Variants in HNF4G observed in about 807,000 individuals in gnomAD.
HNF4G encodes the protein hepatocyte nuclear factor 4 gamma.
HNF4G carries 21 observed loss-of-function variants against 50.9 expected under a neutral mutation model. That is an observed-to-expected ratio of 0.41 (90% CI 0.29 to 0.59). The LOEUF is 0.59. HNF4G is among the 20% of genes least tolerant of loss of function. The pLI, the probability that HNF4G is intolerant of heterozygous loss-of-function variation, is 0.26. For missense variants in HNF4G, 527 were observed against 559.4 expected (o/e 0.94, Z 0.58); for synonymous variants, 198 against 185.6 (o/e 1.07, Z -0.54).
intron 2 of HNF4G, among the ~76,000 whole-genome samples, chr8:75,516,489 G>A (rs922076200): frequency 6.6e-6 from 1 of 151,848 alleles, no homozygotes; most frequent in African/African-American, 2.4e-5. Context: ...ACCAGAATAG[G>A]GTTCATCTTC....
rs149513194 is a variant in HNF4G, at chr8:75,525,372, G to A, written c.-23-18439G>A. Among the ~76,000 whole-genome samples, 894 of 152,260 alleles carry A rather than the reference G, an allele frequency of 5.9e-3. 6 individuals are homozygous for A. Among genetic ancestry groups the A allele is most frequent in the Middle Eastern group, 0.014 (4 of 294 alleles). On this transcript the variant is annotated intron_variant, in intron 2 of 10. Coordinates refer to the HNF4G transcript ENST00000354370. ...TTTAGTGGAGATGGGGTTTCACCGCGTTAGCCAGGATGGTCTCGATCTCTT... is the reference window on the plus strand; with the variant it reads ...TTTAGTGGAGATGGGGTTTCACCGCATTAGCCAGGATGGTCTCGATCTCTT...
chr8:75,414,642 CGCAGT>C (rs975744959), intron 1 of HNF4G, among the ~76,000 whole-genome samples: 4 of 152,144 alleles, frequency 2.6e-5, no homozygotes, highest in Admixed American at 2.0e-4. Context: ...CATGGGGTCA[CGCAGT>C]ATTATTTTGT....
intron 2 of HNF4G, among the ~76,000 whole-genome samples, chr8:75,533,344 C>CTGG: frequency 6.6e-6 from 1 of 152,128 alleles, no homozygotes; most frequent in South Asian, 2.1e-4. Flanking sequence ...ATACCAGCTT[C>CTGG]TACCTCCAGA....
rs1806695092 is a variant in HNF4G, at chr8:75,543,811, A to T, written c.119A>T (p.Asp40Val). ...TGTAATCTTCCTTTTTTATTGACAG[A>T]TAGTTCTGCCCCAGAGACAAGTATG... ...ETMQILYNSS[D>V]SSAPETSMNT... The change falls in exon 2 of 10, where the codon GAT (aspartate) becomes GTT (valine). Residue 40 changes from aspartate to valine, a missense_variant and splice_region_variant. Asp to Val is a radical substitution (Grantham distance 152, BLOSUM62 -3). This residue lies in a region of HNF4G where 84 missense variants were observed against 87.1 expected (regional missense o/e 0.96). Transcript: ENST00000396423. 1 of 1,607,746 alleles carries T rather than the reference A, an allele frequency of 6.2e-7. No homozygotes were observed. The highest frequency in any genetic ancestry group is 1.3e-5 in the African/African-American group (1 of 74,528).
At chr8:75,536,648 A>G (rs1806473966), upstream of HNF4G, among the ~76,000 whole-genome samples, 1 of 152,120 alleles carries the variant, frequency 6.6e-6, no homozygotes, top group Non-Finnish European at 1.5e-5. Context: ...ATGCAACTTA[A>G]TTTAATAATT....
At chr8:75,464,352 GA>G (rs1297913420) in intron 1 of HNF4G, among the ~76,000 whole-genome samples, 1 of 151,300 alleles carries the variant, frequency 6.6e-6, no homozygotes, top group Non-Finnish European at 1.5e-5. Flanking sequence ...ATTTGATTTT[GA>G]AAGTTTCATG....
chr8:75,446,962 C>T (rs1811433889), intron 1 of HNF4G, among the ~76,000 whole-genome samples: 3 of 143,496 alleles, frequency 2.1e-5, no homozygotes, highest in South Asian at 2.3e-4. Context: ...AAAAAAGAGC[C>T]CGCATCGCCA....
intron 1 of HNF4G, among the ~76,000 whole-genome samples, chr8:75,483,968 A>G (rs1812440792): frequency 6.6e-6 from 1 of 152,212 alleles, no homozygotes; most frequent in Non-Finnish European, 1.5e-5. Flanking sequence ...TTCATGAATT[A>G]TCACAACTTT....
At chr8:75,490,856 A>G (rs183728160) in intron 2 of HNF4G, among the ~76,000 whole-genome samples, 2 of 152,342 alleles carry the variant, frequency 1.3e-5, no homozygotes, top group Admixed American at 1.3e-4. Flanking sequence ...TCACATATAA[A>G]ATACTCAATA....
upstream of HNF4G, among the ~76,000 whole-genome samples, chr8:75,536,328 C>G (rs530881153): frequency 6.6e-6 from 1 of 151,854 alleles, no homozygotes; most frequent in African/African-American, 2.4e-5. Context: ...CCAATTTAAC[C>G]TTTAGAAGTA....
chr8:75,444,411 C>G (rs861234), intron 1 of HNF4G, among the ~76,000 whole-genome samples: 120,154 of 144,578 alleles, frequency 0.83, 50,597 homozygotes, highest in African/African-American at 0.96. Flanking sequence ...ATGACAGGAT[C>G]AAATTCACAC....
intron 2 of HNF4G, among the ~76,000 whole-genome samples, chr8:75,513,932 T>C (rs1805823092): frequency 6.6e-6 from 1 of 151,990 alleles, no homozygotes; most frequent in Admixed American, 6.6e-5. Context: ...TTTTTAAATG[T>C]TCATGAATCA....
At chr8:75,494,822 GA>G (rs1812727724) in intron 2 of HNF4G, among the ~76,000 whole-genome samples, 2 of 151,796 alleles carry the variant, frequency 1.3e-5, no homozygotes, top group South Asian at 2.1e-4. Flanking sequence ...TACAATTATA[GA>G]AAAATATATT....
chr8:75,561,490 G>A (rs1387635783), intron 9 of HNF4G, among the ~76,000 whole-genome samples: 2 of 152,128 alleles, frequency 1.3e-5, no homozygotes, highest in East Asian at 1.9e-4. Flanking sequence ...AAACAAGGAG[G>A]CAACACAGCC....
At chr8:75,498,914 A>T (rs1812851866) in intron 2 of HNF4G, among the ~76,000 whole-genome samples, 1 of 152,136 alleles carries the variant, frequency 6.6e-6, no homozygotes, top group Non-Finnish European at 1.5e-5. Context: ...AAGTATATTT[A>T]TGGCAAACTC....
At chr8:75,519,606 T>C (rs923839711) in intron 2 of HNF4G, among the ~76,000 whole-genome samples, 3 of 152,174 alleles carry the variant, frequency 2.0e-5, no homozygotes, top group Non-Finnish European at 4.4e-5. Context: ...ACTTATTCAC[T>C]ATCATGAGAA....
chr8:75,504,980 C>G (rs1813038043), intron 2 of HNF4G, among the ~76,000 whole-genome samples: 1 of 152,028 alleles, frequency 6.6e-6, no homozygotes, highest in South Asian at 2.1e-4. Flanking sequence ...TAATTCCACT[C>G]ATTAATATAG....
intron 2 of HNF4G, among the ~76,000 whole-genome samples, chr8:75,508,269 A>G (rs1237405885): frequency 6.6e-6 from 1 of 152,098 alleles, no homozygotes; most frequent in Non-Finnish European, 1.5e-5. Context: ...TATTTGAGAA[A>G]ATGGGCTGGG....
At chr8:75,528,739 A>C (rs1806246307) in intron 2 of HNF4G, among the ~76,000 whole-genome samples, 2 of 152,110 alleles carry the variant, frequency 1.3e-5, no homozygotes, top group East Asian at 1.9e-4. Context: ...CTCTAGTTTC[A>C]TTGTATAGTA....
Sources: gnomAD v4.1 joint callset for allele counts (sites outside exome capture counted in the v4.1 genomes callset) on GRCh38, gnomAD v4.1.1 for gene constraint, gnomAD v4.1.1 regional missense constraint, MANE v1.5 for transcripts, NCBI Gene and HGNC (gene_info 2026-07-23, HGNC 2026-07-21) for gene names.